Variants in THSD7B observed in about 807,000 individuals in gnomAD.
THSD7B encodes the protein thrombospondin type-1 domain-containing protein 7B.
A neutral mutation model predicts 213.6 loss-of-function variants in THSD7B; 138 were observed. The observed-to-expected ratio is 0.65, with a 90% confidence interval of 0.56 to 0.74. THSD7B has a LOEUF of 0.74. THSD7B is among the 30% of genes least tolerant of loss of function. The pLI is 0.00. For missense variants in THSD7B, 1,931 were observed against 1,991.5 expected (o/e 0.97, Z 0.58); for synonymous variants, 742 against 687.0 (o/e 1.08, Z -1.25).
At chr2:137,089,289 C>CAT (rs200905562) in intron 3 of THSD7B, among the ~76,000 whole-genome samples, 3 of 115,828 alleles carry the variant, frequency 2.6e-5, no homozygotes, top group Admixed American at 2.6e-4. Context: ...TGTATATATA[C>CAT]ATATATATGT....
intron 17 of THSD7B, among the ~76,000 whole-genome samples, chr2:137,600,977 A>G (rs1479464998): frequency 6.6e-6 from 1 of 152,202 alleles, no homozygotes; most frequent in Non-Finnish European, 1.5e-5. Context: ...GCAACAAAAA[A>G]AGTTTAAATA....
At chr2:137,198,960 C>G (rs564930988) in intron 7 of THSD7B, among the ~76,000 whole-genome samples, 3 of 152,248 alleles carry the variant, frequency 2.0e-5, no homozygotes, top group East Asian at 3.9e-4. Context: ...ATTTGTATGT[C>G]CAGGACTTGC....
intron 15 of THSD7B, among the ~76,000 whole-genome samples, chr2:137,504,964 G>A (rs1679801296): frequency 6.6e-6 from 1 of 152,000 alleles, no homozygotes; most frequent in African/African-American, 2.4e-5. Context: ...AAGGAGACAA[G>A]GAAGGGAGGA....
At chr2:136,954,738 ATT>A (rs762088059) in intron 2 of THSD7B, among the ~76,000 whole-genome samples, 4,053 of 142,586 alleles carry the variant, frequency 0.028, 193 homozygotes, top group East Asian at 0.072. Context: ...AAAAAAAGAA[ATT>A]ACATAAGAGC....
At chr2:136,814,899 A>G (rs1244537543) in intron 1 of THSD7B, among the ~76,000 whole-genome samples, 1 of 152,170 alleles carries the variant, frequency 6.6e-6, no homozygotes, top group East Asian at 1.9e-4. Flanking sequence ...ATACTTCTAG[A>G]TAGTTGGAAA....
At chr2:137,174,511 G>T (rs539171876) in intron 7 of THSD7B, among the ~76,000 whole-genome samples, 1 of 152,220 alleles carries the variant, frequency 6.6e-6, no homozygotes, top group Non-Finnish European at 1.5e-5. Flanking sequence ...GTCTACTTTG[G>T]GTTATCTTAG....
intron 2 of THSD7B, among the ~76,000 whole-genome samples, chr2:136,924,422 T>C (rs1171887766): frequency 7.9e-5 from 12 of 152,228 alleles, no homozygotes; most frequent in Non-Finnish European, 1.3e-4. Flanking sequence ...GGATATCCAG[T>C]TTTCCCAGAC....
At chr2:137,054,614 A>G (rs1046137653) in intron 2 of THSD7B, among the ~76,000 whole-genome samples, 15 of 152,190 alleles carry the variant, frequency 9.9e-5, no homozygotes, top group African/African-American at 3.6e-4. Context: ...AATATTTTTC[A>G]TGGAGTAATT....
chr2:137,288,027 G>T (rs1224287821), intron 12 of THSD7B, among the ~76,000 whole-genome samples: 1 of 152,072 alleles, frequency 6.6e-6, no homozygotes, highest in Non-Finnish European at 1.5e-5. Context: ...AGATTCCTAA[G>T]GTCAGGGTAT....
chr2:137,677,550 A>G lies in THSD7B; in HGVS notation c.*945A>G, dbSNP rs1426049021. The G allele has an allele frequency of 6.6e-6, 1 of 152,544 alleles. No homozygotes were observed. The highest frequency in any genetic ancestry group is 1.5e-5 in the Non-Finnish European group (1 of 68,034). The allele number at this position is 152,544 out of a possible 1,614,324, so 9.4% of individuals were successfully genotyped here. On this transcript the variant is annotated 3_prime_UTR_variant, in exon 28 of 28. Transcript: ENST00000409968. ...TACATCAAACACCGATCCTGTTTGT[A>G]CAAAGTCTTGCTTTTATAAGGTTTC...
At chr2:137,610,936 A>G (rs936475166) in intron 17 of THSD7B, among the ~76,000 whole-genome samples, 25 of 150,968 alleles carry the variant, frequency 1.7e-4, no homozygotes, top group Middle Eastern at 3.2e-3. Flanking sequence ...CTTCTTTTTA[A>G]AAGTTATAGC....
At chr2:137,253,904 G>C (rs747916089) in intron 10 of THSD7B, among the ~76,000 whole-genome samples, 6 of 152,132 alleles carry the variant, frequency 3.9e-5, no homozygotes, top group Non-Finnish European at 8.8e-5. Context: ...GATTTATAAA[G>C]TGTTTAATTT....
At chr2:137,648,005 A>G (rs1396996924) in intron 21 of THSD7B, among the ~76,000 whole-genome samples, 1 of 152,216 alleles carries the variant, frequency 6.6e-6, no homozygotes, top group Non-Finnish European at 1.5e-5. Flanking sequence ...CAAATATCTA[A>G]TAGACTTCTT....
intron 21 of THSD7B, among the ~76,000 whole-genome samples, chr2:137,653,962 C>T (rs1683185985): frequency 6.6e-6 from 1 of 151,256 alleles, no homozygotes; most frequent in Non-Finnish European, 1.5e-5. Flanking sequence ...TTCCCTGTTT[C>T]CCTTGTTTTT....
At chr2:137,456,133 C>T (rs1687758150) in intron 15 of THSD7B, among the ~76,000 whole-genome samples, 1 of 152,070 alleles carries the variant, frequency 6.6e-6, no homozygotes, top group African/African-American at 2.4e-5. Context: ...TATATGTGTT[C>T]TCTAGAAGCA....
At chr2:137,226,162 T>C (rs985068465) in intron 7 of THSD7B, among the ~76,000 whole-genome samples, 3 of 151,818 alleles carry the variant, frequency 2.0e-5, no homozygotes, top group African/African-American at 7.2e-5. Flanking sequence ...TTATGACATG[T>C]AGAGTATTTT....
At chr2:136,844,499 A>ACAG (rs1280978834) in intron 1 of THSD7B, among the ~76,000 whole-genome samples, 13 of 137,290 alleles carry the variant, frequency 9.5e-5, no homozygotes, top group African/African-American at 4.0e-4. Flanking sequence ...AGAGAGACAG[A>ACAG]GAGATCGGTT....
chr2:137,599,750 G>A (rs114467564), intron 17 of THSD7B, among the ~76,000 whole-genome samples: 44 of 152,248 alleles, frequency 2.9e-4, no homozygotes, highest in African/African-American at 9.9e-4. Context: ...CATCTAGCTC[G>A]AAGAAATTCA....
chr2:137,287,157 T>G (rs2104827542), intron 12 of THSD7B, among the ~76,000 whole-genome samples: 1 of 152,220 alleles, frequency 6.6e-6, no homozygotes, highest in South Asian at 2.1e-4. Flanking sequence ...CATAATATGC[T>G]TTATTGATTT....
Sources: allele counts gnomAD v4.1 joint callset (sites outside exome capture counted in the v4.1 genomes callset), GRCh38; gene constraint gnomAD v4.1.1; transcripts MANE v1.5; gene names NCBI Gene and HGNC (gene_info 2026-07-23, HGNC 2026-07-21).